The following FAM184A variants were observed in gnomAD, a reference collection of about 807,000 sequenced individuals.
FAM184A encodes the protein family with sequence similarity 184 member A, also known as protein FAM184A.
FAM184A carries 99 observed loss-of-function variants against 143.8 expected under a neutral mutation model. The observed-to-expected ratio is 0.69, with a 90% CI of 0.58 to 0.81. The LOEUF (loss-of-function observed/expected upper bound fraction) is 0.81. Ranked by LOEUF, FAM184A falls within the 40% of genes least tolerant of loss-of-function variation. The pLI is 0.00. For missense variants in FAM184A, 1,217 were observed against 1,310.5 expected (o/e 0.93, Z 1.10); for synonymous variants, 427 against 446.4 (o/e 0.96, Z 0.55).
At chr6:119,045,291 A>ATT (rs3058653) in intron 1 of FAM184A, among the ~76,000 whole-genome samples, 109,474 of 143,278 alleles carry the variant, frequency 0.76, 42,257 homozygotes, top group East Asian at 0.93. Context: ...CAGTTTCTCA[A>ATT]TTTTTTTTTT....
At chr6:119,001,560 GA>G (rs914980989) in intron 9 of FAM184A, among the ~76,000 whole-genome samples, 1 of 151,620 alleles carries the variant, frequency 6.6e-6, no homozygotes, top group African/African-American at 2.4e-5. Flanking sequence ...GACACCCAAA[GA>G]AAAAAAGAAG....
rs78841076 is a variant in FAM184A, at chr6:119,087,308, T to C, written c.-202+61770A>G. Among the ~76,000 whole-genome samples, 470 of 152,282 alleles carry C rather than the reference T, an allele frequency of 3.1e-3. 2 individuals carry two copies. The highest frequency in any genetic ancestry group is 0.01 in the African/African-American group (436 of 41,544). ...AACAAGAGAGTGAAAAGGTAGCCCA[T>C]GAAATATGAGAAAACATTTGCAGAC... On this transcript the variant is annotated intron_variant, in intron 1 of 16. Transcript: ENST00000352896.
intron 9 of FAM184A, among the ~76,000 whole-genome samples, chr6:118,991,711 G>A (rs6937499): frequency 0.94 from 139,482 of 147,748 alleles, 65,956 homozygotes; most frequent in Non-Finnish European, 0.96. Context: ...TCGGAATAAC[G>A]GAATAACAGC....
chr6:119,107,483 T>C (rs4946397), intron 1 of FAM184A, among the ~76,000 whole-genome samples: 95,686 of 151,526 alleles, frequency 0.63, 30,859 homozygotes, highest in East Asian at 0.96. Context: ...TTCATTCGGC[T>C]GGGCACAGTG....
At chr6:119,130,013 T>G (rs1789491501) in intron 1 of FAM184A, among the ~76,000 whole-genome samples, 1 of 151,782 alleles carries the variant, frequency 6.6e-6, no homozygotes, top group Non-Finnish European at 1.5e-5. Flanking sequence ...CACAGCAAGA[T>G]GTACAAACAG....
chr6:119,038,093 T>C (rs1487043165), intron 1 of FAM184A, among the ~76,000 whole-genome samples: 2 of 152,004 alleles, frequency 1.3e-5, no homozygotes, highest in Non-Finnish European at 2.9e-5. Context: ...GGAGCCGAGA[T>C]AAGAGGCTGA....
At chr6:119,041,499 A>C (rs1363170001) in intron 1 of FAM184A, among the ~76,000 whole-genome samples, 2 of 152,202 alleles carry the variant, frequency 1.3e-5, no homozygotes, top group Non-Finnish European at 2.9e-5. Context: ...AGCGGGAGGG[A>C]CAATGATCAG....
intron 1 of FAM184A, among the ~76,000 whole-genome samples, chr6:119,040,975 T>A (rs1786306998): frequency 6.6e-6 from 1 of 152,160 alleles, no homozygotes; most frequent in Admixed American, 6.5e-5. Context: ...TGCAAGCATT[T>A]GAGGGGTTTC....
chr6:119,123,902 G>T (rs1260595445), intron 1 of FAM184A, among the ~76,000 whole-genome samples: 1 of 152,154 alleles, frequency 6.6e-6, no homozygotes, highest in Non-Finnish European at 1.5e-5. Flanking sequence ...GCCATTTGCT[G>T]ATTGTGCCAT....
At chr6:119,130,030 G>A (rs1019869230) in intron 1 of FAM184A, among the ~76,000 whole-genome samples, 7 of 143,014 alleles carry the variant, frequency 4.9e-5, no homozygotes, top group South Asian at 2.5e-4. Context: ...ACAGAGGCTC[G>A]CAAGGTTTTA....
At chr6:119,035,758 AT>A (rs1351396452) in intron 1 of FAM184A, among the ~76,000 whole-genome samples, 1 of 152,056 alleles carries the variant, frequency 6.6e-6, no homozygotes, top group African/African-American at 2.4e-5. Flanking sequence ...GCCAAAAAAA[AT>A]TTTTTTTGAA....
intron 1 of FAM184A, among the ~76,000 whole-genome samples, chr6:119,116,312 C>T (rs973313166): frequency 6.6e-6 from 1 of 151,762 alleles, no homozygotes; most frequent in African/African-American, 2.4e-5. Context: ...ACTAAGTACA[C>T]ATGATCATAA....
Position 119,062,653 on chromosome 6 carries a change from C to T in FAM184A, c.159+15488G>A, listed in dbSNP as rs573500976. On this transcript the variant is annotated intron_variant, in intron 1 of 17. Transcript: ENST00000338891. Reference sequence around the variant, plus strand: ...CCAGCCTGGGTGACAGAGAGAGACCCTATCTCAAAAATAAAAAATAAAAAA... The same window carrying T: ...CCAGCCTGGGTGACAGAGAGAGACCTTATCTCAAAAATAAAAAATAAAAAA... Among the ~76,000 whole-genome samples the T allele has an allele frequency of 1.1e-4, 16 of 152,080 alleles. No individual in the cohort carries two copies. The South Asian group carries it at 3.3e-3, about 32-fold the overall frequency.
chr6:119,136,209 C>T (rs372965258), intron 1 of FAM184A, among the ~76,000 whole-genome samples: 2,342 of 134,640 alleles, frequency 0.017, 62 homozygotes, highest in African/African-American at 0.058. Context: ...ACCCGGGAAG[C>T]GGAGCTTGCA....
intron 1 of FAM184A, among the ~76,000 whole-genome samples, chr6:119,101,666 A>G (rs553311471): frequency 1.3e-5 from 2 of 152,328 alleles, no homozygotes; most frequent in East Asian, 3.9e-4. Context: ...TCATGTTAAC[A>G]TTCTTCATAT....
Position 118,980,259 on chromosome 6 carries a change from T to C in FAM184A, c.2180A>G (p.Gln727Arg). 6.2e-7 allele frequency: 1 copy of C among 1,614,178 alleles called. No individual in the cohort carries two copies. The highest frequency in any genetic ancestry group is 1.7e-5 in the Admixed American group (1 of 60,018). ...QLQAQFTQER[Q>R]RLTQELEELE... Reference sequence around the variant, plus strand: ...TTCTTCAAGCTCTTGCGTAAGCCGCTGTCGTTCTTGCGTAAACTGGGCTTG... The same window carrying C: ...TTCTTCAAGCTCTTGCGTAAGCCGCCGTCGTTCTTGCGTAAACTGGGCTTG... Residue 727 changes from glutamine to arginine, a missense_variant, in exon 10 of 18, where the codon CAG (glutamine) becomes CGG (arginine). Transcript: ENST00000338891.
At chr6:119,026,373 G>A (rs1166406738) in intron 1 of FAM184A, among the ~76,000 whole-genome samples, 1 of 152,122 alleles carries the variant, frequency 6.6e-6, no homozygotes, top group Admixed American at 6.6e-5. Flanking sequence ...AGCCAAGAAA[G>A]CTGACTGACT....
chr6:119,023,184 T>C, intron 2 of FAM184A, 104 bp from the exon 3 acceptor site: 1 of 1,178,530 alleles, frequency 8.5e-7, no homozygotes, highest in Admixed American at 2.3e-5. Flanking sequence ...GAAGTCATAC[T>C]AAACTATATA....
At position 119,023,028 on chromosome 6, in the gene FAM184A, C is replaced by G; in HGVS notation, c.1067G>C (p.Ser356Thr). The change falls in exon 3 of 18, where the codon AGC becomes ACC. Residue 356 changes from serine to threonine, a missense_variant. By Grantham distance (58) the Ser-to-Thr change is moderately conservative. Transcript: ENST00000338891. ...DAKEGEMALL[S>T]KHKEVESELA... ...CTCACTTTCCACTTCTTTGTGCTTG[C>G]TTAATAGGGCCATTTCTCCCTCCTT... is the stretch of plus-strand genomic sequence containing the variant. 1 of 1,614,132 alleles carries G rather than the reference C, an allele frequency of 6.2e-7. No homozygotes were observed. Among genetic ancestry groups the G allele is most frequent in the Non-Finnish European group, 8.5e-7 (1 of 1,180,022 alleles).
Sources: allele counts gnomAD v4.1 joint callset (sites outside exome capture counted in the v4.1 genomes callset), GRCh38; gene constraint gnomAD v4.1.1; transcripts MANE v1.5; gene names NCBI Gene and HGNC (gene_info 2026-07-23, HGNC 2026-07-21).